The following LYRM4 variants were observed in gnomAD, a reference collection of about 807,000 sequenced individuals.
LYRM4 encodes the protein LYR motif-containing protein 4.
Under a neutral mutation model 11.7 loss-of-function variants are expected in LYRM4, and 9 were observed. That is an observed-to-expected ratio of 0.77 (90% CI 0.46 to 1.34). The LOEUF (loss-of-function observed/expected upper bound fraction) is 1.34. Ranked by LOEUF, LYRM4 falls within the 40% of genes most tolerant of loss-of-function variation. LYRM4 has a pLI of 0.00. For missense variants in LYRM4, 133 were observed against 112.5 expected (o/e 1.18, Z -0.82); for synonymous variants, 42 against 40.4 (o/e 1.04, Z -0.15).
chr6:5,228,714 T>C (rs1382351752), intron 1 of LYRM4, among the ~76,000 whole-genome samples: 2 of 152,036 alleles, frequency 1.3e-5, no homozygotes, highest in Admixed American at 6.6e-5. Context: ...TTAAGAATAT[T>C]TCCTGGCTGG....
intron 2 of LYRM4, among the ~76,000 whole-genome samples, chr6:5,142,600 A>G (rs958983578): frequency 6.6e-6 from 1 of 152,134 alleles, no homozygotes; most frequent in African/African-American, 2.4e-5. Context: ...ATCACCAGCC[A>G]TTGCTAGATT....
chr6:5,164,953 G>A (rs1026248179), intron 2 of LYRM4, among the ~76,000 whole-genome samples: 2 of 123,780 alleles, frequency 1.6e-5, no homozygotes, highest in African/African-American at 6.3e-5. Flanking sequence ...GGGCGACAGA[G>A]TGAGACTGTG....
intron 1 of LYRM4, among the ~76,000 whole-genome samples, chr6:5,234,912 G>C (rs77676014): frequency 0.02 from 3,008 of 152,156 alleles, 83 homozygotes; most frequent in African/African-American, 0.067. Flanking sequence ...CCAAACTCCT[G>C]TCCCCCTACT....
At chr6:5,113,484 A>G in intron 2 of LYRM4, 1 of 320,392 alleles carries the variant, frequency 3.1e-6, no homozygotes, top group South Asian at 2.3e-5. Context: ...GAAGTTATAG[A>G]CGGGCAGCCA....
intron 2 of LYRM4, among the ~76,000 whole-genome samples, chr6:5,142,334 C>G (rs1158880788): frequency 6.6e-6 from 1 of 151,068 alleles, no homozygotes; most frequent in Non-Finnish European, 1.5e-5. Flanking sequence ...GGCTGACACC[C>G]TGGCCAGACT....
At chr6:5,120,525 G>A (rs1180074890) in intron 2 of LYRM4, among the ~76,000 whole-genome samples, 1 of 152,160 alleles carries the variant, frequency 6.6e-6, no homozygotes, top group Non-Finnish European at 1.5e-5. Context: ...GGAGAGCGAA[G>A]GAACAAAGTC....
At chr6:5,215,485 G>A (rs1370122032) in intron 2 of LYRM4, among the ~76,000 whole-genome samples, 1 of 152,134 alleles carries the variant, frequency 6.6e-6, no homozygotes, top group Non-Finnish European at 1.5e-5. Flanking sequence ...GTCTGAGTGT[G>A]GCAGTTACTG....
intron 2 of LYRM4, among the ~76,000 whole-genome samples, chr6:5,179,535 T>C (rs1188432850): frequency 1.3e-5 from 2 of 152,250 alleles, no homozygotes; most frequent in African/African-American, 2.4e-5. Context: ...TGTTCTTTTG[T>C]GCCTGGCTTA....
intron 2 of LYRM4, among the ~76,000 whole-genome samples, chr6:5,181,013 A>T (rs557999131): frequency 1.3e-5 from 2 of 152,370 alleles, no homozygotes; most frequent in South Asian, 4.1e-4. Context: ...CCTACAATGC[A>T]GACTTTATGC....
chr6:5,258,558 G>C (rs1764788932), intron 1 of LYRM4, among the ~76,000 whole-genome samples: 1 of 152,194 alleles, frequency 6.6e-6, no homozygotes, highest in Non-Finnish European at 1.5e-5. Flanking sequence ...TTAGAGAGGA[G>C]GGAAGGGACT....
chr6:5,101,523 C>T (rs773399672), downstream of LYRM4, among the ~76,000 whole-genome samples: 6 of 152,224 alleles, frequency 3.9e-5, no homozygotes, highest in Non-Finnish European at 5.9e-5. Flanking sequence ...GGTGAAGCTA[C>T]TTGCTCAGGA....
intron 2 of LYRM4, among the ~76,000 whole-genome samples, chr6:5,164,690 G>A (rs931573634): frequency 6.6e-6 from 1 of 152,098 alleles, no homozygotes; most frequent in Non-Finnish European, 1.5e-5. Context: ...CATATTGGCC[G>A]GGTGTGGCGG....
chr6:5,252,323 CTG>C (rs1319543462), intron 1 of LYRM4, among the ~76,000 whole-genome samples: 1 of 152,206 alleles, frequency 6.6e-6, no homozygotes, highest in African/African-American at 2.4e-5. Flanking sequence ...CCTTGACCAA[CTG>C]TGAGACCAAT....
chr6:5,166,138 T>C (rs1759075008), intron 2 of LYRM4, among the ~76,000 whole-genome samples: 1 of 152,248 alleles, frequency 6.6e-6, no homozygotes. Flanking sequence ...TGCTGTTCTG[T>C]GTTTGTATTT....
At chr6:5,091,724 G>T in the LYRM4 span, among the ~76,000 whole-genome samples, 1 of 152,176 alleles carries the variant, frequency 6.6e-6, no homozygotes, top group South Asian at 2.1e-4. Context: ...GAATCAAATA[G>T]GTGAGATCAA....
At chr6:5,239,990 G>T (rs1020208181) in intron 1 of LYRM4, among the ~76,000 whole-genome samples, 1 of 152,274 alleles carries the variant, frequency 6.6e-6, no homozygotes, top group South Asian at 2.1e-4. Context: ...GCTGCCTGCC[G>T]CAGCCAATCA....
At chr6:5,164,573 T>C (rs2127658619) in intron 2 of LYRM4, among the ~76,000 whole-genome samples, 1 of 152,236 alleles carries the variant, frequency 6.6e-6, no homozygotes, top group East Asian at 1.9e-4. Flanking sequence ...TGATTGGTGG[T>C]GGAGTATAGT....
the LYRM4 span, among the ~76,000 whole-genome samples, chr6:5,034,960 T>C: frequency 1.3e-5 from 2 of 151,664 alleles, no homozygotes; most frequent in East Asian, 3.9e-4. Context: ...GGGAGAATTG[T>C]AAAAATACCC....
chr6:5,121,223 G>A (rs1334900746), intron 2 of LYRM4, among the ~76,000 whole-genome samples: 1 of 152,168 alleles, frequency 6.6e-6, no homozygotes, highest in Non-Finnish European at 1.5e-5. Context: ...TACAAAACCA[G>A]GGGACAGAAG....
Sources: gnomAD v4.1 joint callset for allele counts (sites outside exome capture counted in the v4.1 genomes callset) on GRCh38, gnomAD v4.1.1 for gene constraint, MANE v1.5 for transcripts, NCBI Gene and HGNC (gene_info 2026-07-23, HGNC 2026-07-21) for gene names.